The following PXDN variants were observed in gnomAD, a reference collection of about 807,000 sequenced individuals.
PXDN encodes the protein peroxidasin.
PXDN carries 77 observed loss-of-function variants against 140.3 expected under a neutral mutation model. The observed-to-expected ratio is 0.55, with a 90% CI of 0.46 to 0.66. The LOEUF (loss-of-function observed/expected upper bound fraction) is 0.66, where lower values mean the gene tolerates loss of function less well. Among genes scored for constraint, PXDN ranks in the 30% least tolerant of loss-of-function variants. PXDN has a pLI of 0.00. For missense variants in PXDN, 1,838 were observed against 2,039.5 expected, an observed-to-expected ratio of 0.90 and a Z score of 1.90; for synonymous variants, 911 against 857.4, an observed-to-expected ratio of 1.06 and a Z score of -1.09.
chr2:1,686,294 C>G (rs1684055367), intron 4 of PXDN, among the ~76,000 whole-genome samples: 1 of 152,152 alleles, frequency 6.6e-6, no homozygotes, highest in African/African-American at 2.4e-5. Context: ...CACCAGAGAC[C>G]CCAGCTCACC....
chr2:1,721,202 G>T lies in PXDN; in HGVS notation c.200+23054C>A, dbSNP rs543117581. Reference sequence around the variant, plus strand: ...GACATAAAATTCAGCATCACAGGCAGGCAGGCAGCGTGGCTGAGGATGGGG... The same window carrying T: ...GACATAAAATTCAGCATCACAGGCATGCAGGCAGCGTGGCTGAGGATGGGG... On this transcript the variant is annotated intron_variant, in intron 1 of 22. Transcript: ENST00000252804. Among the ~76,000 whole-genome samples the T allele has an allele frequency of 4.6e-5, 7 of 152,340 alleles. No homozygotes were observed. In the East Asian group the frequency reaches 1.3e-3, roughly 29 times the overall value.
intron 1 of PXDN, among the ~76,000 whole-genome samples, chr2:1,720,669 T>TTCTCTCTCTCTGCATCTC (rs140201640): frequency 3.0e-5 from 1 of 33,642 alleles, no homozygotes; most frequent in Non-Finnish European, 6.2e-5. Flanking sequence ...CTGCATCTCT[T>TTCTCTCTCTCTGCATCTC]TCTCTCTGCA....
chr2:1,686,996 A>C (rs1684075902), intron 4 of PXDN, among the ~76,000 whole-genome samples: 1 of 152,244 alleles, frequency 6.6e-6, no homozygotes, highest in South Asian at 2.1e-4. Context: ...CCGAGCAAAC[A>C]AACCAGGACA....
At chr2:1,698,293 A>C (rs1038238302) in intron 1 of PXDN, among the ~76,000 whole-genome samples, 1 of 152,182 alleles carries the variant, frequency 6.6e-6, no homozygotes. Flanking sequence ...CACACAAAGC[A>C]TGGATCTGAG....
At chr2:1,727,301 A>C (rs139218938) in intron 1 of PXDN, among the ~76,000 whole-genome samples, 1 of 152,080 alleles carries the variant, frequency 6.6e-6, no homozygotes, top group African/African-American at 2.4e-5. Context: ...CTTCAGACAA[A>C]GTTCTTTGGC....
At chr2:1,726,021 C>G (rs1342778541) in intron 1 of PXDN, among the ~76,000 whole-genome samples, 14 of 151,356 alleles carry the variant, frequency 9.2e-5, no homozygotes, top group South Asian at 2.1e-4. Context: ...TCAGTGTGGC[C>G]ATTCCTCAGG....
intron 1 of PXDN, among the ~76,000 whole-genome samples, chr2:1,699,203 T>C (rs1299383195): frequency 1.3e-5 from 2 of 152,182 alleles, no homozygotes. Flanking sequence ...TGCCATTAGA[T>C]TCCCTTTCAC....
intron 8 of PXDN, among the ~76,000 whole-genome samples, chr2:1,675,019 G>A (rs1277127760): frequency 4.0e-5 from 6 of 151,250 alleles, no homozygotes; most frequent in Non-Finnish European, 8.8e-5. Flanking sequence ...AAAGACCAAC[G>A]CCCACCTTCT....
In PXDN at chr2:1,685,430, G is replaced by A. The variant is rs1268839601; in HGVS notation, c.417-1279C>T. On this transcript the variant is annotated intron_variant, in intron 4 of 22. Coordinates refer to ENST00000252804, the MANE Select transcript of PXDN (RefSeq NM_012293.3). This position sits in a 1 kb window ranked among gnomAD's most constrained non-coding sequence, Gnocchi z 5.1. ...CCTCGTCTCTGCCAGGCAGTGTGCT[G>A]ACAGGGCGCCTGTGGTTTTCTGGGG... 6.6e-6 allele frequency among the ~76,000 whole-genome samples: 1 copy of A among 152,190 alleles called. No homozygotes were observed. The highest frequency in any genetic ancestry group is 1.5e-5 in the Non-Finnish European group (1 of 68,028).
chr2:1,649,385 A>T lies in PXDN; in HGVS notation c.2395T>A (p.Ser799Thr). 6.2e-7 allele frequency: 1 copy of T among 1,613,902 alleles called. No individual in the cohort carries two copies. Among genetic ancestry groups the T allele is most frequent in the Non-Finnish European group, 8.5e-7 (1 of 1,179,872 alleles). ...GHALPMPRLV[S>T]TTLIGTETVT... is the part of the protein sequence containing the mutation. ...GTCTCCGTCCCGATCAGGGTGGTGG[A>T]CACCAGGCGCGGCATGGGAAGGGCG... Residue 799 changes from serine to threonine, a missense_variant, in exon 17 of 23, where the codon TCC (serine) becomes ACC (threonine). Physicochemically the swap from Ser to Thr is moderately conservative, Grantham distance 58. Coordinates refer to ENST00000252804, the MANE Select transcript of PXDN (RefSeq NM_012293.3). This position sits in a 1 kb window ranked among gnomAD's most constrained non-coding sequence, Gnocchi z 7.1.
At chr2:1,707,801 T>C (rs1236068043) in intron 1 of PXDN, among the ~76,000 whole-genome samples, 1 of 151,910 alleles carries the variant, frequency 6.6e-6, no homozygotes, top group Non-Finnish European at 1.5e-5. Flanking sequence ...TCTGCAGATA[T>C]CCTTCCCCTA....
At chr2:1,657,406 G>A (rs910327189) in intron 14 of PXDN, among the ~76,000 whole-genome samples, 2 of 150,706 alleles carry the variant, frequency 1.3e-5, no homozygotes, top group Admixed American at 6.6e-5. Flanking sequence ...CTCCTGAAGG[G>A]GACCTGCCCT....
At chr2:1,675,183 C>T (rs769772568) in intron 8 of PXDN, among the ~76,000 whole-genome samples, 13 of 152,134 alleles carry the variant, frequency 8.5e-5, no homozygotes, top group Admixed American at 2.0e-4. Flanking sequence ...ACCAGAAACA[C>T]GGCGAGCCAG....
At chr2:1,744,632 G>T (rs1685650477), upstream of PXDN, 6 of 540,896 alleles carry the variant, frequency 1.1e-5, no homozygotes, top group East Asian at 2.7e-4. Flanking sequence ...GGCGGGGCGA[G>T]AACCCGGGGC....
At chr2:1,707,003 T>C (rs1684630221) in intron 1 of PXDN, among the ~76,000 whole-genome samples, 1 of 133,664 alleles carries the variant, frequency 7.5e-6, no homozygotes, top group Non-Finnish European at 1.7e-5. Flanking sequence ...GCTCTAAGCA[T>C]CACCTGCCCC....
intron 1 of PXDN, among the ~76,000 whole-genome samples, chr2:1,742,292 C>T (rs537093581): frequency 2.6e-5 from 4 of 152,240 alleles, no homozygotes; most frequent in Non-Finnish European, 4.4e-5. Flanking sequence ...TACCAGTCTA[C>T]CTGCCTCACA....
chr2:1,654,379 G>A lies in PXDN; in HGVS notation c.1946+21C>T, dbSNP rs28678571. The A allele has an allele frequency of 1.0e-3, 1,574 of 1,555,816 alleles. 18 individuals are homozygous for A. The African/African-American group carries it at 0.018, about 18-fold the overall frequency. On this transcript the variant is annotated intron_variant, in intron 15 of 22. Transcript: ENST00000252804. ...AAAGCTCAGTGATTTGAGGGTCAGC[G>A]TGTTTACAGCCCCACGATACCTGTC...
At position 1,685,573 on chromosome 2, in the gene PXDN, T is replaced by G. The variant is rs1362003649; in HGVS notation, c.417-1422A>C. 1.3e-5 allele frequency among the ~76,000 whole-genome samples: 2 copies of G among 149,062 alleles called. No individual in the cohort carries two copies. Among genetic ancestry groups the G allele is most frequent in the African/African-American group, 2.5e-5 (1 of 40,198 alleles). ...TCAGTGCAGGCAGGCAGGGGTGGAG[T>G]CCCCCAAGCAAAGCCCAGAAGGATG... On this transcript the variant is annotated intron_variant, in intron 4 of 22. Coordinates refer to ENST00000252804, the MANE Select transcript of PXDN (RefSeq NM_012293.3). The surrounding 1 kb of genome is among the most constrained non-coding windows in gnomAD (Gnocchi z 5.1).
chr2:1,716,505 C>A (rs1041108554), intron 1 of PXDN, among the ~76,000 whole-genome samples: 13 of 148,084 alleles, frequency 8.8e-5, no homozygotes, highest in Non-Finnish European at 1.8e-4. Flanking sequence ...CCCAGGACTG[C>A]GGCAAGGACT....
Sources: gnomAD v4.1 joint callset for allele counts (sites outside exome capture counted in the v4.1 genomes callset) on GRCh38, gnomAD v4.1.1 for gene constraint, Gnocchi (gnomAD v3.1) non-coding constraint, MANE v1.5 for transcripts, NCBI Gene and HGNC (gene_info 2026-07-23, HGNC 2026-07-21) for gene names.